The following JADE3 variants were observed in gnomAD, a reference collection of about 807,000 sequenced individuals.
JADE3 encodes the protein protein Jade-3.
A neutral mutation model predicts 50.1 loss-of-function variants in JADE3; 2 were observed. The ratio of observed to expected loss-of-function variants is 0.04; its 90% confidence interval spans 0.02 to 0.13. JADE3 has a LOEUF of 0.13. Ranked by LOEUF, JADE3 falls within the 10% of genes least tolerant of loss-of-function variation. JADE3 has a pLI of 1.00. For missense variants in JADE3, 475 were observed against 634.4 expected (o/e 0.75, Z 2.70); for synonymous variants, 218 against 232.9 (o/e 0.94, Z 0.58).
intron 1 of JADE3, among the ~76,000 whole-genome samples, chrX:46,957,212 A>AC (rs1927147278): frequency 2.1e-5 from 1 of 48,687 alleles, no homozygotes; most frequent in African/African-American, 7.9e-5. Flanking sequence ...TTTCAGATAG[A>AC]TTAGATAGAT....
chrX:47,047,709 T>A (rs782149950), intron 8 of JADE3, among the ~76,000 whole-genome samples: 1 of 111,625 alleles, frequency 9.0e-6, no homozygotes, highest in East Asian at 2.8e-4. Context: ...GAAAAAAGTT[T>A]GGCAGCTCCT....
rs1928873048 is a variant in JADE3, at chrX:47,024,785, T to C, written c.346T>C (p.Ser116Pro). 2 of 1,198,932 alleles carry C rather than the reference T, an allele frequency of 1.7e-6. No individual in the cohort carries two copies. Among genetic ancestry groups the C allele is most frequent in the East Asian group, 5.9e-5 (2 of 33,723 alleles). Residue 116 changes from serine (S) to proline (P), a missense_variant, in exon 5 of 11, where the codon TCC becomes CCC. Coordinates refer to ENST00000614628, the MANE Select transcript of JADE3 (RefSeq NM_014735.5). ...FIRPRKYIHC[S>P]SPDTTEPGYI... ...CCGACCCCGGAAGTATATTCACTGC[T>C]CCAGCCCAGACACCACAGAGCCTGG...
At chrX:46,971,534 G>A (rs1006769573) in intron 1 of JADE3, among the ~76,000 whole-genome samples, 2 of 109,101 alleles carry the variant, frequency 1.8e-5, no homozygotes, top group African/African-American at 3.3e-5. Context: ...AGTGGCTCAC[G>A]CCTGTAATCC....
At position 47,058,797 on chromosome X, in the gene JADE3, A is replaced by G; in HGVS notation, c.2192A>G (p.Gln731Arg). 8.3e-7 allele frequency: 1 copy of G among 1,209,442 alleles called. No homozygotes were observed. The highest frequency in any genetic ancestry group is 1.1e-6 in the Non-Finnish European group (1 of 893,467). Residue 731 changes from glutamine (Q) to arginine (R), a missense_variant, in exon 11 of 11, where the codon CAG becomes CGG. By Grantham distance (43) the Gln-to-Arg change is conservative. Coordinates refer to ENST00000614628, the MANE Select transcript of JADE3 (RefSeq NM_014735.5). ...NRWVKNTEDL[Q>R]CYVKPTKNMS... ...TGGGTGAAGAACACAGAGGACCTCCAGTGCTATGTGAAGCCAACCAAGAAT... is the reference window on the plus strand; with the variant it reads ...TGGGTGAAGAACACAGAGGACCTCCGGTGCTATGTGAAGCCAACCAAGAAT...
At position 47,060,237 on chromosome X, in the gene JADE3, CG is replaced by C. The variant is rs782315894; in HGVS notation, c.*1171del. On this transcript the variant is annotated 3_prime_UTR_variant, in exon 11 of 11. Transcript: ENST00000614628. ...AGTAGGAAGAGAATAATTACATTTG[CG>C]GGGGGGGGGGTGGATAAAAACATGT... The C allele has an allele frequency of 0.19, 9,477 of 49,853 alleles. 1,356 individuals are homozygous for C. Among genetic ancestry groups the C allele is most frequent in the African/African-American group, 0.49 (8,199 of 16,870 alleles). 4.1% of individuals were successfully genotyped at this position (49,853 alleles called of 1,213,427 possible). A position where few individuals can be genotyped will look rare whatever the true frequency, so the allele number is the denominator to read the frequency against.
Position 47,058,853 on chromosome X carries a change from C to A in JADE3, c.2248C>A (p.Gln750Lys). 1 of 1,210,005 alleles carries A rather than the reference C, an allele frequency of 8.3e-7. No individual in the cohort carries two copies. The highest frequency in any genetic ancestry group is 1.1e-6 in the Non-Finnish European group (1 of 894,144). Residue 750 changes from glutamine to lysine, a missense_variant, in exon 11 of 11, where the codon CAG becomes AAG. Gln to Lys is a moderately conservative substitution (Grantham distance 53, BLOSUM62 1). Coordinates refer to ENST00000614628, the MANE Select transcript of JADE3 (RefSeq NM_014735.5). Reference protein sequence around the residue: ...MSPKEQFWGRQVLRRSAGRAP... With the variant: ...MSPKEQFWGRKVLRRSAGRAP... ...CCCCAAGGAGCAGTTCTGGGGTAGA[C>A]AGGTTCTCAGGCGGTCTGCAGGGAG...
intron 8 of JADE3, among the ~76,000 whole-genome samples, chrX:47,049,552 G>T (rs1380340841): frequency 3.7e-5 from 4 of 108,069 alleles, no homozygotes; most frequent in African/African-American, 1.0e-4. Context: ...AACTTCCCAG[G>T]CTCCCACCTC....
At chrX:47,037,892 A>G (rs1474751092) in intron 7 of JADE3, among the ~76,000 whole-genome samples, 2 of 111,139 alleles carry the variant, frequency 1.8e-5, no homozygotes, top group African/African-American at 6.5e-5. Flanking sequence ...CTTTCTGACT[A>G]TCCTTTTTGT....
intron 1 of JADE3, among the ~76,000 whole-genome samples, chrX:46,962,048 G>T (rs1927272466): frequency 1.8e-5 from 2 of 112,039 alleles, no homozygotes; most frequent in Admixed American, 9.5e-5. Flanking sequence ...TTGAGCCTCT[G>T]TTCTGAGCAT....
At chrX:46,937,279 T>C (rs782795920) in intron 1 of JADE3, among the ~76,000 whole-genome samples, 25 of 111,925 alleles carry the variant, frequency 2.2e-4, no homozygotes, top group African/African-American at 7.8e-4. Context: ...TCCTTTATGG[T>C]CAGGGAACAT....
intron 8 of JADE3, among the ~76,000 whole-genome samples, chrX:47,043,520 T>C (rs1380136794): frequency 1.8e-5 from 2 of 111,766 alleles, no homozygotes; most frequent in Non-Finnish European, 3.8e-5. Flanking sequence ...AACAAAGACA[T>C]TGAAGTAATG....
At chrX:46,939,115 C>T (rs1001337121) in intron 1 of JADE3, among the ~76,000 whole-genome samples, 15 of 112,346 alleles carry the variant, frequency 1.3e-4, no homozygotes, top group Admixed American at 1.9e-4. Flanking sequence ...GCGTGAGCCA[C>T]CACACCCAGC....
intron 1 of JADE3, among the ~76,000 whole-genome samples, chrX:46,921,128 G>A (rs1926211774): frequency 9.0e-6 from 1 of 111,591 alleles, no homozygotes; most frequent in Admixed American, 9.5e-5. Flanking sequence ...CTAGGCTAGA[G>A]TGCAGTGGCC....
intron 4 of JADE3, among the ~76,000 whole-genome samples, chrX:46,998,724 A>G (rs1928199157): frequency 9.1e-6 from 1 of 110,387 alleles, no homozygotes; most frequent in African/African-American, 3.3e-5. Flanking sequence ...ATGGAGTCTT[A>G]CTCTGTCACC....
intron 1 of JADE3, among the ~76,000 whole-genome samples, chrX:46,959,388 G>A (rs1268520097): frequency 1.8e-5 from 2 of 112,190 alleles, no homozygotes; most frequent in Admixed American, 9.4e-5. Flanking sequence ...AGGGGAGTGA[G>A]CCCTGATTCA....
At chrX:46,926,244 T>C (rs1204287646) in intron 1 of JADE3, among the ~76,000 whole-genome samples, 1 of 106,372 alleles carries the variant, frequency 9.4e-6, no homozygotes, top group Non-Finnish European at 1.9e-5. Context: ...TGGGGTTATT[T>C]ATGGTTCTGT....
At chrX:46,913,351 C>G (rs963942677) in intron 1 of JADE3, among the ~76,000 whole-genome samples, 90 of 111,192 alleles carry the variant, frequency 8.1e-4, no homozygotes, top group African/African-American at 2.7e-3. Context: ...GCCCGGCGGG[C>G]TGGCGAACTT....
intron 1 of JADE3, among the ~76,000 whole-genome samples, chrX:46,946,197 A>G (rs1958553858): frequency 8.9e-6 from 1 of 111,786 alleles, no homozygotes; most frequent in Non-Finnish European, 1.9e-5. Flanking sequence ...TGATAGGTTT[A>G]AGAAAATAAG....
intron 8 of JADE3, among the ~76,000 whole-genome samples, chrX:47,040,790 T>A (rs1929239320): frequency 9.0e-6 from 1 of 111,046 alleles, no homozygotes; most frequent in South Asian, 3.8e-4. Context: ...TGATAATATT[T>A]TCCAGGCTTA....
Sources: gnomAD v4.1 joint callset for allele counts (sites outside exome capture counted in the v4.1 genomes callset) on GRCh38, gnomAD v4.1.1 for gene constraint, MANE v1.5 for transcripts, NCBI Gene and HGNC (gene_info 2026-07-23, HGNC 2026-07-21) for gene names.